Variants in COL15A1 observed in about 807,000 individuals in gnomAD.
The protein encoded by COL15A1 is collagen type XV alpha 1 chain, also known as collagen alpha-1(XV) chain.
In COL15A1, 111 loss-of-function variants were observed where a neutral mutation model predicts 165.9. The observed-to-expected ratio is 0.67, with a 90% confidence interval of 0.57 to 0.78. COL15A1 has a LOEUF of 0.78. COL15A1 is among the 30% of genes least tolerant of loss of function. The pLI is 0.00. For synonymous variants in COL15A1, 659 were observed against 674.8 expected (o/e 0.98, Z 0.36); for missense variants, 1,745 against 1,789.7 (o/e 0.98, Z 0.45).
intron 16 of COL15A1, 26 bp from the exon 17 acceptor site, chr9:99,034,523 C>T: frequency 6.6e-7 from 1 of 1,507,418 alleles, no homozygotes; most frequent in Non-Finnish European, 8.9e-7. Context: ...TTAATTGGTC[C>T]ATGTTTTTGT....
Position 99,010,712 on chromosome 9 carries a change from C to T in COL15A1, c.1354-4705C>T, listed in dbSNP as rs1014276273. Among the ~76,000 whole-genome samples, 8 of 152,358 alleles carry T rather than the reference C, an allele frequency of 5.3e-5. No individual in the cohort carries two copies. The East Asian group carries it at 1.2e-3, about 22-fold the overall frequency. On this transcript the variant is annotated intron_variant, in intron 9 of 41. Transcript: ENST00000375001. ...CTCCAGTGGAATGCTGAGTTGGTCACGTCCCATGGGCCTTCGGCTCCCTTC... is the reference window on the plus strand; with the variant it reads ...CTCCAGTGGAATGCTGAGTTGGTCATGTCCCATGGGCCTTCGGCTCCCTTC...
rs745386281 is a variant in COL15A1 at position 99,047,780 on chromosome 9, C to T, written c.2680-6C>T. The T allele has an allele frequency of 6.2e-7, 1 of 1,614,058 alleles. No individual in the cohort carries two copies. The highest frequency in any genetic ancestry group is 8.5e-7 in the Non-Finnish European group (1 of 1,179,950). ...TTTTCTAATCTGGCATTTGTTTTGC[C>T]TCTAGGGGCCCAAAGGACCACCAGG... On this transcript the variant is annotated splice_region_variant and splice_polypyrimidine_tract_variant and intron_variant, in intron 26 of 41. Coordinates refer to ENST00000375001, the MANE Select transcript of COL15A1 (RefSeq NM_001855.5).
At chr9:98,971,932 T>A (rs1462671591) in intron 2 of COL15A1, among the ~76,000 whole-genome samples, 1 of 152,174 alleles carries the variant, frequency 6.6e-6, no homozygotes, top group East Asian at 1.9e-4. Flanking sequence ...TGTTGCTAAT[T>A]CTTTCATGGC....
At chr9:99,010,985 A>AT (rs148589320) in intron 9 of COL15A1, among the ~76,000 whole-genome samples, 2 of 152,058 alleles carry the variant, frequency 1.3e-5, no homozygotes, top group Non-Finnish European at 2.9e-5. Context: ...AAGATAAAAC[A>AT]TTTTTTTAGC....
chr9:99,055,083 C>A lies in COL15A1; in HGVS notation c.3032-19C>A, dbSNP rs202098378. ...TCTGAAATTACAATCGTGAATTTTACGAAGCATTTCTTTTTCAGGTCCTCC... is the reference window on the plus strand; with the variant it reads ...TCTGAAATTACAATCGTGAATTTTAAGAAGCATTTCTTTTTCAGGTCCTCC... On this transcript the variant is annotated intron_variant, in intron 32 of 41. Coordinates refer to ENST00000375001, the MANE Select transcript of COL15A1 (RefSeq NM_001855.5). 122 of 1,602,614 alleles carry A rather than the reference C, an allele frequency of 7.6e-5. 1 individual carries two copies. The South Asian group carries it at 1.0e-3, about 13-fold the overall frequency.
In COL15A1 at chr9:99,015,459, A is replaced by C; in HGVS notation, c.1396A>C (p.Thr466Pro). 1 of 1,609,122 alleles carries C rather than the reference A, an allele frequency of 6.2e-7. No individual in the cohort carries two copies. Among genetic ancestry groups the C allele is most frequent in the Non-Finnish European group, 8.5e-7 (1 of 1,176,130 alleles). ...EDSLTTAAAA[T>P]EVSLSTFEDE... The stretch of plus-strand genomic sequence containing the variant: ...CAGTTTAACAACAGCTGCAGCTGCA[A>C]CCGAAGTGTCCCTCAGTACTTTTGA... Residue 466 changes from threonine (T) to proline (P), a missense_variant, in exon 10 of 42, where the codon ACC (threonine) becomes CCC (proline). By Grantham distance (38) the Thr-to-Pro change is conservative (BLOSUM62 -1). Coordinates refer to ENST00000375001, the MANE Select transcript of COL15A1 (RefSeq NM_001855.5).
intron 9 of COL15A1, among the ~76,000 whole-genome samples, chr9:99,012,880 T>C (rs1187335487): frequency 1.3e-5 from 2 of 151,850 alleles, no homozygotes; most frequent in African/African-American, 4.8e-5. Context: ...CCCAGCTAGT[T>C]TTTTTGTATT....
intron 5 of COL15A1, among the ~76,000 whole-genome samples, chr9:98,989,793 G>A (rs2118900817): frequency 6.6e-6 from 1 of 152,264 alleles, no homozygotes; most frequent in Admixed American, 6.5e-5. Flanking sequence ...GTCCTCCAGG[G>A]AGCTCACTTC....
intron 7 of COL15A1, among the ~76,000 whole-genome samples, chr9:99,003,011 AGG>A (rs1218342631): frequency 6.6e-6 from 1 of 152,242 alleles, no homozygotes; most frequent in Non-Finnish European, 1.5e-5. Flanking sequence ...ACTGAGTCAC[AGG>A]GAGAGAGAAG....
At chr9:99,060,052 A>G (rs1825784564) in intron 36 of COL15A1, 99 bp downstream of exon 36, 3 of 1,329,930 alleles carry the variant, frequency 2.3e-6, no homozygotes, top group Non-Finnish European at 3.1e-6. Flanking sequence ...CTTGGGGATC[A>G]GGCCTTCATG....
chr9:98,954,132 T>C (rs1837736534), intron 2 of COL15A1, among the ~76,000 whole-genome samples: 1 of 152,208 alleles, frequency 6.6e-6, no homozygotes, highest in South Asian at 2.1e-4. Flanking sequence ...AGCAAGCATC[T>C]GCACTGCCAA....
In COL15A1 at chr9:98,994,498, G is replaced by C. The variant is rs140021167; in HGVS notation, c.805-2436G>C. Among the ~76,000 whole-genome samples, 543 of 152,132 alleles carry C rather than the reference G, an allele frequency of 3.6e-3. 3 individuals are homozygous for C. The highest frequency in any genetic ancestry group is 0.012 in the African/African-American group (501 of 41,516). ...CATTATTTAGCTAAGCCCCCTCCTC[G>C]CACTTGGCTCTCACTCACGCCATCC... On this transcript the variant is annotated intron_variant, in intron 5 of 41. Coordinates refer to ENST00000375001, the MANE Select transcript of COL15A1 (RefSeq NM_001855.5).
chr9:99,058,047 T>G (rs1373429368), intron 35 of COL15A1, among the ~76,000 whole-genome samples: 5 of 152,182 alleles, frequency 3.3e-5, no homozygotes, highest in African/African-American at 1.2e-4. Flanking sequence ...AGCCAGGGAC[T>G]CAACCCCTGC....
chr9:99,023,468 A>C lies in COL15A1; in HGVS notation c.1854+19A>C. 9.0e-7 allele frequency: 1 copy of C among 1,113,802 alleles called. No homozygotes were observed. Among genetic ancestry groups the C allele is most frequent in the East Asian group, 2.4e-5 (1 of 42,442 alleles). 69.0% of individuals were successfully genotyped at this position (1,113,802 alleles called of 1,614,324 possible). On this transcript the variant is annotated intron_variant, in intron 14 of 41. Coordinates refer to ENST00000375001, the MANE Select transcript of COL15A1 (RefSeq NM_001855.5). ...GCTGAGAGTGAGTGTGAAGGAGGACACGACCTGGTGTCTGGGACTGCCTTC... is the reference window on the plus strand; with the variant it reads ...GCTGAGAGTGAGTGTGAAGGAGGACCCGACCTGGTGTCTGGGACTGCCTTC...
intron 5 of COL15A1, among the ~76,000 whole-genome samples, chr9:98,996,483 C>T (rs553924714): frequency 1.3e-5 from 2 of 152,348 alleles, no homozygotes; most frequent in Admixed American, 1.3e-4. Flanking sequence ...GAAGTTTCCT[C>T]GGAAGGAACC....
At chr9:98,954,340 G>A (rs1480070357) in intron 2 of COL15A1, among the ~76,000 whole-genome samples, 2 of 152,162 alleles carry the variant, frequency 1.3e-5, no homozygotes, top group East Asian at 1.9e-4. Flanking sequence ...AACCCTGCTA[G>A]CATTTGATGG....
intron 2 of COL15A1, among the ~76,000 whole-genome samples, chr9:98,965,960 G>C (rs10988397): frequency 1.3e-5 from 2 of 149,620 alleles, no homozygotes; most frequent in Non-Finnish European, 3.0e-5. Flanking sequence ...TTTTCCAGGG[G>C]ACCCAATTCC....
At chr9:99,048,782 A>G (rs1736285741) in intron 28 of COL15A1, among the ~76,000 whole-genome samples, 1 of 138,794 alleles carries the variant, frequency 7.2e-6, no homozygotes, top group African/African-American at 2.7e-5. Flanking sequence ...AGTCTTGGTG[A>G]TAACTATTGC....
At chr9:99,001,655 T>C (rs1239684812) in intron 7 of COL15A1, among the ~76,000 whole-genome samples, 1 of 152,198 alleles carries the variant, frequency 6.6e-6, no homozygotes, top group Non-Finnish European at 1.5e-5. Flanking sequence ...GGAAGCATGG[T>C]TAGGGGTTTC....
Sources: allele counts gnomAD v4.1 joint callset (sites outside exome capture counted in the v4.1 genomes callset), GRCh38; gene constraint gnomAD v4.1.1; transcripts MANE v1.5; gene names NCBI Gene and HGNC (gene_info 2026-07-23, HGNC 2026-07-21).